The following ABL1 variants were observed in gnomAD, a reference collection of about 807,000 sequenced individuals.
ABL1 encodes ABL proto-oncogene 1, non-receptor tyrosine kinase.
In ABL1, 11 loss-of-function variants were observed where a neutral mutation model predicts 94.7. The ratio of observed to expected loss-of-function variants is 0.12; its 90% CI spans 0.07 to 0.19. ABL1 has a LOEUF of 0.19. Among genes scored for constraint, ABL1 ranks in the 10% least tolerant of loss-of-function variants. The pLI is 1.00. For synonymous variants in ABL1, 656 were observed against 622.4 expected (o/e 1.05, Z -0.80); for missense variants, 1,082 against 1,489.4 (o/e 0.73, Z 4.50).
chr9:130,857,949 T>G (rs1263727176), intron 3 of ABL1, among the ~76,000 whole-genome samples: 1 of 152,094 alleles, frequency 6.6e-6, no homozygotes, highest in Non-Finnish European at 1.5e-5. Flanking sequence ...ATTGGGCCCT[T>G]TGAAAGAGCC....
At chr9:130,788,897 A>G (rs1486940563) in intron 1 of ABL1, among the ~76,000 whole-genome samples, 1 of 152,164 alleles carries the variant, frequency 6.6e-6, no homozygotes. Context: ...CGTTAATGAT[A>G]TTAATTTTGA....
intron 6 of ABL1, among the ~76,000 whole-genome samples, chr9:130,873,373 T>C (rs1201821074): frequency 6.6e-6 from 1 of 152,222 alleles, no homozygotes; most frequent in African/African-American, 2.4e-5. Context: ...CACAGTCCCC[T>C]CTGAAAGAGA....
rs565397576 is a variant in ABL1 at position 130,731,683 on chromosome 9, C to T, written c.136+17228C>T. 1.1e-3 allele frequency among the ~76,000 whole-genome samples: 171 copies of T among 152,190 alleles called. 2 individuals carry two copies. Among genetic ancestry groups the T allele is most frequent in the Non-Finnish European group, 2.1e-4 (14 of 68,010 alleles). On this transcript the variant is annotated intron_variant, in intron 1 of 10. Coordinates refer to the ABL1 transcript ENST00000372348. ...TGTAGCTTTAAAATAAATCTTAATG[C>T]CTGGTAGAATAAGGCCTCCTGTTTT...
chr9:130,833,405 G>A (rs543689290), upstream of ABL1, among the ~76,000 whole-genome samples: 5 of 152,152 alleles, frequency 3.3e-5, no homozygotes, highest in African/African-American at 9.7e-5. Context: ...TTGGCATTAC[G>A]TGTAGAGGTT....
At chr9:130,751,672 A>G (rs563613699) in intron 1 of ABL1, among the ~76,000 whole-genome samples, 1 of 152,272 alleles carries the variant, frequency 6.6e-6, no homozygotes. Context: ...CTCCAGAGCC[A>G]GGTATGGTCA....
intron 1 of ABL1, among the ~76,000 whole-genome samples, chr9:130,756,426 A>C (rs971739463): frequency 1.3e-5 from 2 of 151,964 alleles, no homozygotes; most frequent in Non-Finnish European, 2.9e-5. Flanking sequence ...TGGCTAATTC[A>C]GTGGGTCACT....
rs1588276618 is a variant in ABL1 at position 130,872,389 on chromosome 9, G to A, written c.907+176G>A. Among the ~76,000 whole-genome samples the A allele has an allele frequency of 2.0e-5, 3 of 152,356 alleles. No individual in the cohort carries two copies. In the East Asian group the frequency reaches 5.8e-4, roughly 29 times the overall value. On this transcript the variant is annotated intron_variant, in intron 5 of 10. Coordinates refer to ENST00000318560, the MANE Select transcript of ABL1 (RefSeq NM_005157.6). This position sits in a 1 kb window ranked among gnomAD's most constrained non-coding sequence, Gnocchi z 5.0. ...CTGTATGGGATGGGTGTGTGCGTGTGTGCACATATGCACATGTATGTATGA... is the reference window on the plus strand; with the variant it reads ...CTGTATGGGATGGGTGTGTGCGTGTATGCACATATGCACATGTATGTATGA...
intron 1 of ABL1, among the ~76,000 whole-genome samples, chr9:130,757,653 C>T (rs1397063721): frequency 1.3e-5 from 2 of 150,914 alleles, no homozygotes; most frequent in Non-Finnish European, 2.9e-5. Context: ...ATTCTTCTGC[C>T]TCAGCCTCCC....
chr9:130,872,939 G>C lies in ABL1; in HGVS notation c.987G>C (p.Glu329Asp). 1 of 1,614,236 alleles carries C rather than the reference G, an allele frequency of 6.2e-7. No individual in the cohort carries two copies. The highest frequency in any genetic ancestry group is 8.5e-7 in the Non-Finnish European group (1 of 1,180,046). The change falls in exon 6 of 11, where the codon GAG becomes GAC. Residue 329 changes from glutamate to aspartate, a missense_variant. Transcript: ENST00000318560. The surrounding 1 kb of genome is among the most constrained non-coding windows in gnomAD (Gnocchi z 5.0). ...TYGNLLDYLR[E>D]CNRQEVNAVV... Reference sequence around the variant, plus strand: ...GGAACCTCCTGGACTACCTGAGGGAGTGCAACCGGCAGGAGGTGAACGCCG... The same window carrying C: ...GGAACCTCCTGGACTACCTGAGGGACTGCAACCGGCAGGAGGTGAACGCCG...
chr9:130,815,313 G>A (rs1405717922), intron 1 of ABL1, among the ~76,000 whole-genome samples: 1 of 152,100 alleles, frequency 6.6e-6, no homozygotes, highest in Non-Finnish European at 1.5e-5. Context: ...CAGCCTGGGC[G>A]ACAGAGTGAG....
chr9:130,774,576 C>G (rs988739086), intron 1 of ABL1, among the ~76,000 whole-genome samples: 1 of 152,130 alleles, frequency 6.6e-6, no homozygotes, highest in African/African-American at 2.4e-5. Flanking sequence ...GTGATTCTAG[C>G]ACTTTGGAAG....
Position 130,853,588 on chromosome 9 carries a change from T to G in ABL1, c.80-476T>G, listed in dbSNP as rs973880692. Reference sequence around the variant, plus strand: ...CGTCACCATGCCCGGCTAATTTTTGTATGTCTAATGGAGACAGGGTTTCAC... The same window carrying G: ...CGTCACCATGCCCGGCTAATTTTTGGATGTCTAATGGAGACAGGGTTTCAC... On this transcript the variant is annotated intron_variant, in intron 1 of 10. Coordinates refer to ENST00000318560, the MANE Select transcript of ABL1 (RefSeq NM_005157.6). 9.9e-5 allele frequency among the ~76,000 whole-genome samples: 15 copies of G among 152,174 alleles called. No individual in the cohort carries two copies. The East Asian group carries it at 2.9e-3, about 29-fold the overall frequency.
chr9:130,713,556 C>T (rs7869951), exon 1 of ABL1, among the ~76,000 whole-genome samples: 5,391 of 152,294 alleles, frequency 0.035, 130 homozygotes, highest in African/African-American at 0.076. Context: ...AAATCCCTCC[C>T]TTGCTGTCAA....
chr9:130,861,424 G>A (rs56833182), intron 3 of ABL1, among the ~76,000 whole-genome samples: 9 of 152,258 alleles, frequency 5.9e-5, no homozygotes, highest in African/African-American at 1.9e-4. Flanking sequence ...GGACTAACTT[G>A]TATATTTCTT....
intron 1 of ABL1, among the ~76,000 whole-genome samples, chr9:130,733,736 G>A (rs1010924467): frequency 2.6e-5 from 4 of 151,786 alleles, no homozygotes; most frequent in Non-Finnish European, 5.9e-5. Flanking sequence ...CCGCCACCGC[G>A]CCTGCCACCA....
At chr9:130,726,490 TTCTC>T (rs1474848642) in intron 1 of ABL1, among the ~76,000 whole-genome samples, 1 of 152,242 alleles carries the variant, frequency 6.6e-6, no homozygotes, top group Non-Finnish European at 1.5e-5. Context: ...TTTGTGTTTT[TTCTC>T]TCTGTTTCTC....
At chr9:130,726,528 G>A (rs890407175) in intron 1 of ABL1, among the ~76,000 whole-genome samples, 1 of 151,982 alleles carries the variant, frequency 6.6e-6, no homozygotes, top group Admixed American at 6.6e-5. Context: ...TTTTCAGTTA[G>A]TTTTGCTGAG....
chr9:130,719,257 G>A (rs984772601), intron 1 of ABL1, among the ~76,000 whole-genome samples: 1 of 152,072 alleles, frequency 6.6e-6, no homozygotes, highest in Non-Finnish European at 1.5e-5. Flanking sequence ...GGCCAGGCAC[G>A]GTGGCTCATG....
Position 130,884,532 on chromosome 9 carries a change from G to A in ABL1, c.2242G>A (p.Asp748Asn). 1 of 1,613,204 alleles carries A rather than the reference G, an allele frequency of 6.2e-7. No homozygotes were observed. Residue 748 changes from aspartate (D) to asparagine (N), a missense_variant, in exon 11 of 11, where the codon GAC becomes AAC. Around this residue, in one of 7 missense-constraint regions of ABL1, gnomAD observed 780 missense variants for 835.8 expected, o/e 0.93. Transcript: ENST00000318560. This position sits in a 1 kb window ranked among gnomAD's most constrained non-coding sequence, Gnocchi z 5.6. ...RDLQSTGRQFDSSTFGGHKSE... is the reference protein window; with the variant it reads ...RDLQSTGRQFNSSTFGGHKSE... ...CTTGCAGTCCACGGGAAGACAGTTT[G>A]ACTCGTCCACATTTGGAGGGCACAA...
Sources: allele counts gnomAD v4.1 joint callset (sites outside exome capture counted in the v4.1 genomes callset), GRCh38; gene constraint gnomAD v4.1.1; regional missense constraint gnomAD v4.1.1; non-coding constraint Gnocchi (gnomAD v3.1); transcripts MANE v1.5; gene names NCBI Gene and HGNC (gene_info 2026-07-23, HGNC 2026-07-21).